Variants in RIPOR1 observed in about 807,000 individuals in gnomAD.
RIPOR1 encodes the protein rho family-interacting cell polarization regulator 1.
Under a neutral mutation model 116.5 loss-of-function variants are expected in RIPOR1, and 58 were observed. That is an observed-to-expected ratio of 0.50 (90% confidence interval 0.40 to 0.62). The LOEUF (loss-of-function observed/expected upper bound fraction) is 0.62, where lower values mean the gene tolerates loss of function less well. Ranked by LOEUF, RIPOR1 falls within the 20% of genes least tolerant of loss-of-function variation. The probability of loss-of-function intolerance (pLI) is 0.00; values close to 1 mark genes in which losing one functional copy is unlikely to be tolerated. For synonymous variants in RIPOR1, 605 were observed against 650.0 expected (o/e 0.93, Z 1.05); for missense variants, 1,372 against 1,586.2 (o/e 0.86, Z 2.29).
Position 67,542,952 on chromosome 16 carries a change from C to G in RIPOR1, c.2166C>G (p.Pro722=). The G allele has an allele frequency of 1.9e-6, 3 of 1,585,812 alleles. No individual in the cohort carries two copies. The highest frequency in any genetic ancestry group is 2.6e-6 in the Non-Finnish European group (3 of 1,164,802). Residue 722 remains proline, a synonymous_variant, in exon 13 of 22, where the codon CCC becomes CCG. Transcript: ENST00000042381. The surrounding 1 kb of genome is among the most constrained non-coding windows in gnomAD (Gnocchi z 4.6). ...NSYTQADPMA[P]RTPHPSPAHS... ...ACACTCAGGCAGACCCTATGGCCCC[C>G]AGAACTCCCCACCCAAGTCCTGCCC...
intron 1 of RIPOR1, among the ~76,000 whole-genome samples, chr16:67,532,194 C>T (rs1052147366): frequency 3.3e-5 from 5 of 152,228 alleles, no homozygotes; most frequent in African/African-American, 9.6e-5. Context: ...CCACCGCACC[C>T]GGCCGTGTGA....
At position 67,540,750 on chromosome 16, in the gene RIPOR1, C is replaced by A; in HGVS notation, c.801+46C>A. On this transcript the variant is annotated intron_variant, in intron 10 of 21. Coordinates refer to ENST00000042381, the MANE Select transcript of RIPOR1 (RefSeq NM_024519.4). This position sits in a 1 kb window ranked among gnomAD's most constrained non-coding sequence, Gnocchi z 4.7. ...GGCAGGCCACCATGGCCCTGTGAACCCCTTGTGACCCCCATTACCCTGAGT... is the reference window on the plus strand; with the variant it reads ...GGCAGGCCACCATGGCCCTGTGAACACCTTGTGACCCCCATTACCCTGAGT... 6.5e-7 allele frequency: 1 copy of A among 1,533,418 alleles called. No individual in the cohort carries two copies. Among genetic ancestry groups the A allele is most frequent in the Non-Finnish European group, 8.8e-7 (1 of 1,137,878 alleles). The allele number at this position is 1,533,418 out of a possible 1,614,324, so 95.0% of individuals were successfully genotyped here.
intron 1 of RIPOR1, among the ~76,000 whole-genome samples, chr16:67,519,545 A>G (rs1415148468): frequency 6.6e-5 from 10 of 152,116 alleles, no homozygotes; most frequent in Admixed American, 6.6e-4. Context: ...CAAGGGCAGG[A>G]AAGTGGGCAT....
In RIPOR1 at chr16:67,531,744, T is replaced by C. The variant is rs2050667697; in HGVS notation, c.-24+2830T>C. Reference sequence around the variant, plus strand: ...AATCCTGAAGGGCCTACGTGGGTCATGTTAGAGAGTCTGGGCTTTCTCCCT... The same window carrying C: ...AATCCTGAAGGGCCTACGTGGGTCACGTTAGAGAGTCTGGGCTTTCTCCCT... On this transcript the variant is annotated intron_variant, in intron 1 of 21. Coordinates refer to ENST00000042381, the MANE Select transcript of RIPOR1 (RefSeq NM_024519.4). The surrounding 1 kb of genome is among the most constrained non-coding windows in gnomAD (Gnocchi z 4.2). The C allele has an allele frequency of 2.7e-6, 1 of 365,836 alleles. No homozygotes were observed. The highest frequency in any genetic ancestry group is 3.4e-5 in the Admixed American group (1 of 29,802). 22.7% of individuals were successfully genotyped at this position (365,836 alleles called of 1,614,324 possible). A position where few individuals can be genotyped will look rare whatever the true frequency, so the allele number is the denominator to read the frequency against.
chr16:67,518,965 C>T (rs997281126), intron 1 of RIPOR1, among the ~76,000 whole-genome samples: 3 of 152,086 alleles, frequency 2.0e-5, no homozygotes, highest in Non-Finnish European at 2.9e-5. Flanking sequence ...AGCAGTTAGG[C>T]GAAGGAAAGA....
chr16:67,532,521 C>A (rs1421981560), intron 1 of RIPOR1, among the ~76,000 whole-genome samples: 2 of 152,034 alleles, frequency 1.3e-5, no homozygotes, highest in Non-Finnish European at 2.9e-5. Context: ...ACCCCACATA[C>A]AATTCTCCCT....
intron 1 of RIPOR1, among the ~76,000 whole-genome samples, chr16:67,520,915 G>A (rs946530209): frequency 6.6e-6 from 1 of 152,136 alleles, no homozygotes; most frequent in African/African-American, 2.4e-5. Flanking sequence ...TTGGATCACA[G>A]AAGCCAAAGG....
chr16:67,545,830 C>G lies in RIPOR1; in HGVS notation c.3357C>G (p.Ser1119Arg), dbSNP rs768661764. 9 of 1,608,152 alleles carry G rather than the reference C, an allele frequency of 5.6e-6. No individual in the cohort carries two copies. The highest frequency in any genetic ancestry group is 6.8e-6 in the Non-Finnish European group (8 of 1,176,960). Residue 1119 changes from serine (S) to arginine (R), a missense_variant, in exon 19 of 22, where the codon AGC becomes AGG. Ser to Arg is a moderately radical substitution (Grantham distance 110). This residue lies in a region of RIPOR1 where 1,005 missense variants were observed against 1,144.7 expected (regional missense o/e 0.88). Coordinates refer to ENST00000042381, the MANE Select transcript of RIPOR1 (RefSeq NM_024519.4). The surrounding 1 kb of genome is among the most constrained non-coding windows in gnomAD (Gnocchi z 4.8). ...VMAAVSTQLR[S>R]LSLGPTFRER... is the part of the protein sequence containing the mutation. ...CTGCTGTCAGCACCCAGCTCCGGAG[C>G]CTGTCACTGGGCCCTACCTTCCGGG...
In RIPOR1 at chr16:67,543,488, A is replaced by T. The variant is rs1187428808; in HGVS notation, c.2600+19A>T. ...GGGACAGGTGAGGGGGCTAGGCAAG[A>T]TGGGTGTGAGGCTAGGTGAGAGGGA... On this transcript the variant is annotated intron_variant, in intron 14 of 21. Coordinates refer to ENST00000042381, the MANE Select transcript of RIPOR1 (RefSeq NM_024519.4). The surrounding 1 kb of genome is among the most constrained non-coding windows in gnomAD (Gnocchi z 4.7). 1.9e-6 allele frequency: 3 copies of T among 1,547,980 alleles called. No homozygotes were observed. The Admixed American group carries it at 5.9e-5, about 30-fold the overall frequency.
chr16:67,538,030 G>A (rs540752057), intron 1 of RIPOR1: 6 of 210,678 alleles, frequency 2.8e-5, no homozygotes, highest in African/African-American at 1.1e-4. Context: ...GGGTGCCCTG[G>A]GGGGGGAAAT....
Position 67,540,951 on chromosome 16 carries a change from A to C in RIPOR1, c.801+247A>C, listed in dbSNP as rs2050963183. Among the ~76,000 whole-genome samples, 1 of 151,920 alleles carries C rather than the reference A, an allele frequency of 6.6e-6. No homozygotes were observed. The highest frequency in any genetic ancestry group is 2.4e-5 in the African/African-American group (1 of 41,358). ...GACCCTGTGAATATTTGACCTCCTA[A>C]GCTCCCATGAGGCTGTGACCTCTAT... is the stretch of plus-strand genomic sequence containing the variant. On this transcript the variant is annotated intron_variant, in intron 10 of 21. Coordinates refer to ENST00000042381, the MANE Select transcript of RIPOR1 (RefSeq NM_024519.4). The surrounding 1 kb of genome is among the most constrained non-coding windows in gnomAD (Gnocchi z 4.7).
In RIPOR1 at chr16:67,529,646, T is replaced by C; in HGVS notation, c.-24+732T>C. On this transcript the variant is annotated intron_variant, in intron 1 of 21. Coordinates refer to ENST00000042381, the MANE Select transcript of RIPOR1 (RefSeq NM_024519.4). This position sits in a 1 kb window ranked among gnomAD's most constrained non-coding sequence, Gnocchi z 4.1. ...TTGTCCTCCTCTCCAGGGTGAGCCC[T>C]GAGTCCGGCCTCCCCTACAGACCCT... 1.1e-6 allele frequency: 1 copy of C among 945,728 alleles called. No homozygotes were observed. Among genetic ancestry groups the C allele is most frequent in the Non-Finnish European group, 1.6e-6 (1 of 640,258 alleles). The allele number at this position is 945,728 out of a possible 1,614,324, so 58.6% of individuals were successfully genotyped here. A position where few individuals can be genotyped will look rare whatever the true frequency, so the allele number is the denominator to read the frequency against.
chr16:67,542,857 T>C lies in RIPOR1; in HGVS notation c.2071T>C (p.Ser691Pro). Reference sequence around the variant, plus strand: ...AGAACTTGCTACCCTCTCCAGCCCCTCCAAACACTCAGACCCCACCCTCCC... The same window carrying C: ...AGAACTTGCTACCCTCTCCAGCCCCCCCAAACACTCAGACCCCACCCTCCC... ...SLELATLSSP[S>P]KHSDPTLPGT... The change falls in exon 13 of 22, where the codon TCC (serine) becomes CCC (proline). Residue 691 changes from serine (S) to proline (P), a missense_variant. Ser to Pro is a moderately conservative substitution (Grantham distance 74). Transcript: ENST00000042381. This position sits in a 1 kb window ranked among gnomAD's most constrained non-coding sequence, Gnocchi z 4.6. 6.2e-7 allele frequency: 1 copy of C among 1,611,300 alleles called. No homozygotes were observed. Among genetic ancestry groups the C allele is most frequent in the Non-Finnish European group, 8.5e-7 (1 of 1,179,476 alleles).
intron 1 of RIPOR1, among the ~76,000 whole-genome samples, chr16:67,536,867 C>T (rs1014000562): frequency 1.3e-5 from 2 of 152,178 alleles, no homozygotes; most frequent in Non-Finnish European, 2.9e-5. Context: ...CAGCCCCCTA[C>T]TATCCACCTT....
At chr16:67,539,144 CTG>C (rs1042753676) in intron 4 of RIPOR1, 76 bp downstream of exon 4, 11 of 1,258,620 alleles carry the variant, frequency 8.7e-6, no homozygotes, top group Non-Finnish European at 3.4e-6. Context: ...TGGGTGATAT[CTG>C]GGCTATTTTC....
chr16:67,537,557 C>CG lies in RIPOR1; in HGVS notation c.-23-862dup. Reference sequence around the variant, plus strand: ...AGGTCCGCGGGGGGCGAGCGCGGGTCGGGGGCCGTCCCGGACCCACCATGA... The same window carrying CG: ...AGGTCCGCGGGGGGCGAGCGCGGGTCGGGGGGCCGTCCCGGACCCACCATGA... On this transcript the variant is annotated intron_variant, in intron 1 of 21. Transcript: ENST00000042381. This position sits in a 1 kb window ranked among gnomAD's most constrained non-coding sequence, Gnocchi z 4.6. 7.3e-7 allele frequency: 1 copy of CG among 1,372,234 alleles called. No individual in the cohort carries two copies. Among genetic ancestry groups the CG allele is most frequent in the South Asian group, 1.6e-5 (1 of 61,106 alleles). 85.0% of individuals were successfully genotyped at this position (1,372,234 alleles called of 1,614,324 possible). A position where few individuals can be genotyped will look rare whatever the true frequency, so the allele number is the denominator to read the frequency against.
chr16:67,544,655 A>G lies in RIPOR1; in HGVS notation c.2734-40A>G. On this transcript the variant is annotated intron_variant, in intron 15 of 21. Coordinates refer to ENST00000042381, the MANE Select transcript of RIPOR1 (RefSeq NM_024519.4). This position sits in a 1 kb window ranked among gnomAD's most constrained non-coding sequence, Gnocchi z 5.1. ...CCTGAGCACGATCCTCCCGAGCCCT[A>G]CCCTGAGGCCTGAGCTACTTGGCCA... is the stretch of plus-strand genomic sequence containing the variant. 1 of 1,609,620 alleles carries G rather than the reference A, an allele frequency of 6.2e-7. No individual in the cohort carries two copies. Among genetic ancestry groups the G allele is most frequent in the Non-Finnish European group, 8.5e-7 (1 of 1,179,828 alleles).
chr16:67,526,621 C>A (rs754054723), upstream of RIPOR1, among the ~76,000 whole-genome samples: 4 of 152,208 alleles, frequency 2.6e-5, no homozygotes, highest in Non-Finnish European at 5.9e-5. Context: ...GAGCCAGGCA[C>A]CTTGATGATA....
chr16:67,542,876 C>T lies in RIPOR1; in HGVS notation c.2090C>T (p.Thr697Ile), dbSNP rs767287038. Residue 697 changes from threonine (T) to isoleucine (I), a missense_variant, in exon 13 of 22, where the codon ACC becomes ATC. Physicochemically the swap from Thr to Ile is moderately conservative, Grantham distance 89. This residue lies in a region of RIPOR1 where 1,005 missense variants were observed against 1,144.7 expected (regional missense o/e 0.88). Coordinates refer to ENST00000042381, the MANE Select transcript of RIPOR1 (RefSeq NM_024519.4). The surrounding 1 kb of genome is among the most constrained non-coding windows in gnomAD (Gnocchi z 4.6). ...AGCCCCTCCAAACACTCAGACCCCACCCTCCCAGGCACTGACTCCCTTCCC... is the reference window on the plus strand; with the variant it reads ...AGCCCCTCCAAACACTCAGACCCCATCCTCCCAGGCACTGACTCCCTTCCC... Reference protein sequence around the residue: ...LSSPSKHSDPTLPGTDSLPCS... With the variant: ...LSSPSKHSDPILPGTDSLPCS... The T allele has an allele frequency of 5.0e-6, 8 of 1,612,998 alleles. No individual in the cohort carries two copies. The African/African-American group carries it at 8.0e-5, about 16-fold the overall frequency.
Sources: gnomAD v4.1 joint callset for allele counts (sites outside exome capture counted in the v4.1 genomes callset) on GRCh38, gnomAD v4.1.1 for gene constraint, gnomAD v4.1.1 regional missense constraint, Gnocchi (gnomAD v3.1) non-coding constraint, MANE v1.5 for transcripts, NCBI Gene and HGNC (gene_info 2026-07-23, HGNC 2026-07-21) for gene names.